The following SLC39A8 variants were observed in gnomAD, a reference collection of about 807,000 sequenced individuals.
SLC39A8 encodes the protein solute carrier family 39 member 8.
SLC39A8 carries 15 observed loss-of-function variants against 40.4 expected under a neutral mutation model. The observed-to-expected ratio is 0.37, with a 90% confidence interval of 0.25 to 0.57. SLC39A8 has a LOEUF of 0.57. Among genes scored for constraint, SLC39A8 ranks in the 20% least tolerant of loss-of-function variants. SLC39A8 has a pLI of 0.75. For missense variants in SLC39A8, 472 were observed against 558.8 expected, an observed-to-expected ratio of 0.84 and a Z score of 1.57; for synonymous variants, 223 against 221.6, an observed-to-expected ratio of 1.01 and a Z score of -0.06.
chr4:102,252,724 A>G (rs964450218), exon 12 of SLC39A8: 1 of 151,890 alleles, frequency 6.6e-6, no homozygotes, highest in African/African-American at 2.4e-5. Context: ...TCCCCATGCT[A>G]TTTCCTCTCA....
chr4:102,285,013 A>C (rs1733098708), intron 6 of SLC39A8, among the ~76,000 whole-genome samples: 1 of 152,256 alleles, frequency 6.6e-6, no homozygotes, highest in Non-Finnish European at 1.5e-5. Flanking sequence ...ACTTTTATCC[A>C]CTTTCACTAA....
chr4:102,293,568 A>G (rs1204377578), intron 6 of SLC39A8, among the ~76,000 whole-genome samples: 1 of 152,054 alleles, frequency 6.6e-6, no homozygotes, highest in Admixed American at 6.6e-5. Context: ...ACTCTTACAT[A>G]GCAGTAATAA....
intron 8 of SLC39A8, among the ~76,000 whole-genome samples, chr4:102,266,756 C>T (rs999845967): frequency 2.0e-5 from 3 of 151,908 alleles, no homozygotes; most frequent in East Asian, 3.9e-4. Context: ...TACAGGCGCC[C>T]GCCACCACGC....
At chr4:102,263,229 A>G in intron 8 of SLC39A8, 36 bp from the exon 9 acceptor site, 1 of 1,592,126 alleles carries the variant, frequency 6.3e-7, no homozygotes, top group Non-Finnish European at 8.6e-7. Context: ...AACTGTTGCC[A>G]TCTTGTGGCA....
At chr4:102,271,116 G>A (rs1732345628) in intron 6 of SLC39A8, among the ~76,000 whole-genome samples, 1 of 151,770 alleles carries the variant, frequency 6.6e-6, no homozygotes, top group Admixed American at 6.6e-5. Context: ...AGGAGGACAA[G>A]GTGGAGCATG....
chr4:102,344,734 G>A lies in SLC39A8; in HGVS notation c.-72C>T. ...GAGGGACGCGCGCGGGCGCACTGGC[G>A]TCCTTGCCCAAGGGCGGGAGCGTCA... On this transcript the variant is annotated 5_prime_UTR_variant, in exon 2 of 9. In the 5' UTR this introduces an upstream ATG that the reference lacks. Transcript: ENST00000356736. 7.3e-7 allele frequency: 1 copy of A among 1,366,716 alleles called. No individual in the cohort carries two copies. The highest frequency in any genetic ancestry group is 9.4e-7 in the Non-Finnish European group (1 of 1,067,848). The allele number at this position is 1,366,716 out of a possible 1,614,324, so 84.7% of individuals were successfully genotyped here. A position where few individuals can be genotyped will look rare whatever the true frequency, so the allele number is the denominator to read the frequency against.
rs1291015640 is a variant in SLC39A8, at chr4:102,344,773, C to G, written c.-111G>C. The G allele has an allele frequency of 1.2e-5, 16 of 1,329,396 alleles. No homozygotes were observed. Among genetic ancestry groups the G allele is most frequent in the Non-Finnish European group, 1.4e-5 (15 of 1,044,950 alleles). 82.4% of individuals were successfully genotyped at this position (1,329,396 alleles called of 1,614,324 possible). A position where few individuals can be genotyped will look rare whatever the true frequency, so the allele number is the denominator to read the frequency against. On this transcript the variant is annotated 5_prime_UTR_variant, in exon 2 of 9. Coordinates refer to ENST00000356736, the MANE Select transcript of SLC39A8 (RefSeq NM_001135146.2). ...GCGGGAGCGTCAGTGCTCGGCGCTG[C>G]TCCGAGTCAGAGGTGGCGCGGGACG...
At chr4:102,270,422 C>T (rs1180859904) in intron 6 of SLC39A8, among the ~76,000 whole-genome samples, 1 of 152,184 alleles carries the variant, frequency 6.6e-6, no homozygotes, top group Non-Finnish European at 1.5e-5. Context: ...CAAACCTTCA[C>T]AGAAACTTCT....
At chr4:102,286,937 G>T (rs1733209375) in intron 6 of SLC39A8, among the ~76,000 whole-genome samples, 1 of 152,120 alleles carries the variant, frequency 6.6e-6, no homozygotes, top group African/African-American at 2.4e-5. Context: ...GAGCAAACAT[G>T]AGCTTGGGAT....
chr4:102,330,818 T>G (rs944180253), intron 2 of SLC39A8, among the ~76,000 whole-genome samples: 1 of 152,212 alleles, frequency 6.6e-6, no homozygotes, highest in African/African-American at 2.4e-5. Flanking sequence ...TCAAAAAGCT[T>G]ATCCATTATG....
intron 6 of SLC39A8, among the ~76,000 whole-genome samples, chr4:102,300,809 A>G (rs1005567951): frequency 6.6e-6 from 1 of 151,844 alleles, no homozygotes; most frequent in African/African-American, 2.4e-5. Context: ...AAAGTATTTT[A>G]ATTTTATTAT....
chr4:102,298,105 C>T (rs1733756761), intron 6 of SLC39A8, among the ~76,000 whole-genome samples: 1 of 151,814 alleles, frequency 6.6e-6, no homozygotes, highest in Admixed American at 6.6e-5. Context: ...AGAGTTCACA[C>T]ATTCCAAATC....
intron 6 of SLC39A8, among the ~76,000 whole-genome samples, chr4:102,283,544 C>T (rs549785574): frequency 7.3e-6 from 1 of 136,620 alleles, no homozygotes; most frequent in East Asian, 2.2e-4. Context: ...GGATTGCTAA[C>T]ACTTCACACA....
intron 3 of SLC39A8, among the ~76,000 whole-genome samples, chr4:102,310,264 C>T (rs952096006): frequency 2.6e-5 from 4 of 152,070 alleles, no homozygotes; most frequent in Non-Finnish European, 5.9e-5. Context: ...ATGAAGCTTC[C>T]CTGCTCTCCA....
intron 2 of SLC39A8, among the ~76,000 whole-genome samples, chr4:102,318,472 G>A (rs1221864553): frequency 2.0e-5 from 3 of 152,138 alleles, no homozygotes; most frequent in Admixed American, 1.3e-4. Flanking sequence ...ACACAATTTT[G>A]GACAGTGGCC....
At chr4:102,333,831 C>T (rs1255249700) in intron 2 of SLC39A8, among the ~76,000 whole-genome samples, 1 of 151,498 alleles carries the variant, frequency 6.6e-6, no homozygotes, top group Non-Finnish European at 1.5e-5. Flanking sequence ...AAAACAGGCT[C>T]GAGATGGAAA....
At chr4:102,301,640 A>G (rs968313676) in intron 6 of SLC39A8, among the ~76,000 whole-genome samples, 3 of 152,214 alleles carry the variant, frequency 2.0e-5, no homozygotes, top group East Asian at 1.9e-4. Flanking sequence ...CATTACTGTC[A>G]TAAGTGGAAT....
intron 6 of SLC39A8, among the ~76,000 whole-genome samples, chr4:102,281,153 C>T (rs1281559396): frequency 6.6e-6 from 1 of 152,094 alleles, no homozygotes; most frequent in Admixed American, 6.6e-5. Flanking sequence ...TGTACCTCCC[C>T]GCCTACACAA....
Position 102,267,914 on chromosome 4 carries a change from T to C in SLC39A8, c.1006A>G (p.Thr336Ala). Reference protein sequence around the residue: ...CTLSLLQGLSTSIAILCEEFP... With the variant: ...CTLSLLQGLSASIAILCEEFP... ...TCCTCACATAGGATTGCTATGGAAG[T>C]ACTGAGTCCCTGAAGGAGAGACAAG... The change falls in exon 7 of 9, where the codon ACT becomes GCT. Residue 336 changes from threonine (T) to alanine (A), a missense_variant. This residue lies in a region of SLC39A8 where 239 missense variants were observed against 317.9 expected (regional missense o/e 0.75). Coordinates refer to ENST00000356736, the MANE Select transcript of SLC39A8 (RefSeq NM_001135146.2). 1.2e-6 allele frequency: 2 copies of C among 1,614,138 alleles called. No homozygotes were observed. The highest frequency in any genetic ancestry group is 1.7e-6 in the Non-Finnish European group (2 of 1,180,034).
Sources: gnomAD v4.1 joint callset for allele counts (sites outside exome capture counted in the v4.1 genomes callset) on GRCh38, gnomAD v4.1.1 for gene constraint, gnomAD v4.1.1 regional missense constraint, MANE v1.5 for transcripts, NCBI Gene and HGNC (gene_info 2026-07-23, HGNC 2026-07-21) for gene names.